The following ZWINT variants were observed in gnomAD, a reference collection of about 807,000 sequenced individuals.
ZWINT encodes the protein outer kinetochore KNL1 complex subunit ZWINT.
A neutral mutation model predicts 41.5 loss-of-function variants in ZWINT; 41 were observed. The observed-to-expected ratio is 0.99, with a 90% CI of 0.77 to 1.28. ZWINT has a LOEUF of 1.28. Ranked by LOEUF, ZWINT falls within the 50% of genes most tolerant of loss-of-function variation. The pLI is 0.00. For missense variants in ZWINT, 369 were observed against 329.7 expected (o/e 1.12, Z -0.92); for synonymous variants, 132 against 126.8 (o/e 1.04, Z -0.28).
chr10:56,361,002 C>T (rs557440624), intron 1 of ZWINT, among the ~76,000 whole-genome samples, 194 bp downstream of exon 1: 193 of 152,186 alleles, frequency 1.3e-3, no homozygotes, highest in African/African-American at 4.1e-3. Flanking sequence ...GGCGAACGGT[C>T]CCCCAAAGGC....
In ZWINT at chr10:56,358,456, C is replaced by T. The variant is rs760447122; in HGVS notation, c.796G>A (p.Val266Ile). The part of the protein sequence containing the change: ...GRDPGVSFKA[V>I]GLQPAGDVNL... ...ACATCTCCAGCAGGTTGTAGACCAA[C>T]AGCCTTGGAGAAATACAGTATAGAC... The change falls in exon 8 of 9, where the codon GTT becomes ATT. Residue 266 changes from valine (V) to isoleucine (I), a missense_variant. Coordinates refer to ENST00000373944, the MANE Select transcript of ZWINT (RefSeq NM_007057.4). 6.2e-7 allele frequency: 1 copy of T among 1,614,126 alleles called. No individual in the cohort carries two copies. The highest frequency in any genetic ancestry group is 8.5e-7 in the Non-Finnish European group (1 of 1,180,026).
intron 1 of ZWINT, among the ~76,000 whole-genome samples, chr10:56,360,939 A>G (rs558038686): frequency 5.3e-5 from 8 of 152,126 alleles, no homozygotes; most frequent in African/African-American, 1.9e-4. Context: ...AAGAAGACAG[A>G]AGTGAAACCG....
chr10:56,358,548 TCA>T lies in ZWINT; in HGVS notation c.792+6_792+7del, dbSNP rs1231407101. On this transcript the variant is annotated splice_donor_region_variant and intron_variant, in intron 7 of 8. Coordinates refer to ENST00000373944, the MANE Select transcript of ZWINT (RefSeq NM_007057.4). The stretch of plus-strand genomic sequence containing the variant: ...AGCCCATGCCCACCTGTTCCATCTC[TCA>T]TTTACCTTGAAGGACACACCAGGGT... The T allele has an allele frequency of 2.5e-6, 4 of 1,613,878 alleles. No individual in the cohort carries two copies. Among genetic ancestry groups the T allele is most frequent in the Non-Finnish European group, 3.4e-6 (4 of 1,179,978 alleles).
Position 56,358,427 on chromosome 10 carries a change from A to G in ZWINT, c.825T>C (p.Asn275=). 6.2e-7 allele frequency: 1 copy of G among 1,614,024 alleles called. No individual in the cohort carries two copies. The highest frequency in any genetic ancestry group is 8.5e-7 in the Non-Finnish European group (1 of 1,180,010). ...AVGLQPAGDV[N]LP Reference sequence around the variant, plus strand: ...GCTGTCCTCCAGGAAGTCATGGCAAATTTACATCTCCAGCAGGTTGTAGAC... The same window carrying G: ...GCTGTCCTCCAGGAAGTCATGGCAAGTTTACATCTCCAGCAGGTTGTAGAC... The change falls in exon 8 of 9, where the codon AAT becomes AAC. Residue 275 remains asparagine, a synonymous_variant. Transcript: ENST00000373944.
At position 56,358,193 on chromosome 10, in the gene ZWINT, A is replaced by C; in HGVS notation, c.*42-8T>G. On this transcript the variant is annotated splice_polypyrimidine_tract_variant and splice_region_variant and intron_variant, in intron 8 of 8. Coordinates refer to ENST00000373944, the MANE Select transcript of ZWINT (RefSeq NM_007057.4). ...GTGAGGGAAGTCAGAGGCCTGGGGA[A>C]GAAGACAGGGGTTAGCTCTGGGTGG... is the stretch of plus-strand genomic sequence containing the variant. 2 of 758,020 alleles carry C rather than the reference A, an allele frequency of 2.6e-6. No individual in the cohort carries two copies. The highest frequency in any genetic ancestry group is 4.9e-6 in the Non-Finnish European group (2 of 405,830). The allele number at this position is 758,020 out of a possible 1,614,324, so 47.0% of individuals were successfully genotyped here.
At position 56,358,921 on chromosome 10, in the gene ZWINT, C is replaced by G. The variant is rs762150385; in HGVS notation, c.507G>C (p.Glu169Asp). 3 of 1,614,146 alleles carry G rather than the reference C, an allele frequency of 1.9e-6. No homozygotes were observed. Among genetic ancestry groups the G allele is most frequent in the Admixed American group, 3.3e-5 (2 of 60,018 alleles). Residue 169 changes from glutamate (E) to aspartate (D), a missense_variant, in exon 6 of 9, where the codon GAG becomes GAC. Coordinates refer to ENST00000373944, the MANE Select transcript of ZWINT (RefSeq NM_007057.4). ...QQEKHLQHLA[E>D]VSAEVRERKT... is the part of the protein sequence containing the mutation. ...TACGCTCCCTCACCTCTGCAGAAAC[C>G]TCCGCCAGATGCTGCAGATGCTTCT...
In ZWINT at chr10:56,358,797, G is replaced by T. The variant is rs200966787; in HGVS notation, c.623+8C>A. The T allele has an allele frequency of 2.5e-6, 4 of 1,613,892 alleles. No individual in the cohort carries two copies. The African/African-American group carries it at 5.3e-5, about 22-fold the overall frequency. On this transcript the variant is annotated splice_region_variant and intron_variant, in intron 6 of 8. Transcript: ENST00000373944. The stretch of plus-strand genomic sequence containing the variant: ...TTTTGAATCTGCAGCCCATGCTCCC[G>T]AACTTACCTCTGCAGCTTGTCCCGC...
chr10:56,360,114 A>C lies in ZWINT; in HGVS notation c.160T>G (p.Cys54Gly). The C allele has an allele frequency of 6.2e-7, 1 of 1,614,128 alleles. No individual in the cohort carries two copies. The highest frequency in any genetic ancestry group is 1.1e-5 in the South Asian group (1 of 91,082). Reference sequence around the variant, plus strand: ...AAATCCGCTACCTGAAGCTGGCTGCAGAGCAGCTTGTCTTTCTTCTGAGAG... The same window carrying C: ...AAATCCGCTACCTGAAGCTGGCTGCCGAGCAGCTTGTCTTTCTTCTGAGAG... The part of the protein sequence containing the change: ...VDSQKKDKLL[C>G]SQLQVADFLQ... Residue 54 changes from cysteine (C) to glycine (G), a missense_variant, in exon 3 of 9, where the codon TGC becomes GGC. By Grantham distance (159) the Cys-to-Gly change is radical. Coordinates refer to ENST00000373944, the MANE Select transcript of ZWINT (RefSeq NM_007057.4).
Position 56,357,530 on chromosome 10 carries a change from G to T in ZWINT, c.*697C>A, listed in dbSNP as rs552695540. 2.6e-5 allele frequency: 4 copies of T among 152,808 alleles called. No homozygotes were observed. In the East Asian group the frequency reaches 7.7e-4, roughly 29 times the overall value. The allele number at this position is 152,808 out of a possible 1,614,324, so 9.5% of individuals were successfully genotyped here. On this transcript the variant is annotated 3_prime_UTR_variant, in exon 9 of 9. Coordinates refer to ENST00000373944, the MANE Select transcript of ZWINT (RefSeq NM_007057.4). ...GATAAAAGTAAGAGTTGACAAAAAA[G>T]GTACATCTTCTCCAATCCGAAAACA...
At chr10:56,360,933 A>G (rs1376614113) in intron 1 of ZWINT, among the ~76,000 whole-genome samples, 1 of 152,096 alleles carries the variant, frequency 6.6e-6, no homozygotes, top group Non-Finnish European at 1.5e-5. Flanking sequence ...TGGGACAAGA[A>G]GACAGAAGTG....
chr10:56,360,071 G>A lies in ZWINT; in HGVS notation c.203C>T (p.Ala68Val). The A allele has an allele frequency of 6.2e-7, 1 of 1,614,142 alleles. No individual in the cohort carries two copies. The highest frequency in any genetic ancestry group is 8.5e-7 in the Non-Finnish European group (1 of 1,180,040). ...QVADFLQNIL[A>V]QEDTAKGLDP... ...GAGACCCTTAGCAGTGTCCTCCTGA[G>A]CCAGGATGTTCTGCAGGAAATCCGC... The change falls in exon 3 of 9, where the codon GCT becomes GTT. Residue 68 changes from alanine (A) to valine (V), a missense_variant. Coordinates refer to ENST00000373944, the MANE Select transcript of ZWINT (RefSeq NM_007057.4).
intron 6 of ZWINT, 40 bp downstream of exon 6, chr10:56,358,765 T>A (rs761081601): frequency 6.2e-7 from 1 of 1,614,010 alleles, no homozygotes; most frequent in Non-Finnish European, 8.5e-7. Flanking sequence ...GAATCTCAGC[T>A]GGACCATTTT....
rs138015137 is a variant in ZWINT at position 56,361,204 on chromosome 10, T to C, written c.33A>G (p.Ala11=). 3.1e-6 allele frequency: 5 copies of C among 1,613,158 alleles called. No individual in the cohort carries two copies. The South Asian group carries it at 3.3e-5, about 11-fold the overall frequency. MEAAETEAEA[A]ALEVLAEVAG... ...TAGCCGCAAACACTTACTCTAGGGCTGCAGCTTCCGCCTCTGTCTCCGCTG... is the reference window on the plus strand; with the variant it reads ...TAGCCGCAAACACTTACTCTAGGGCCGCAGCTTCCGCCTCTGTCTCCGCTG... Residue 11 remains alanine, a synonymous_variant, in exon 1 of 9, where the codon GCA becomes GCG. Coordinates refer to ENST00000373944, the MANE Select transcript of ZWINT (RefSeq NM_007057.4).
At chr10:56,360,705 C>G (rs1308892782) in intron 1 of ZWINT, among the ~76,000 whole-genome samples, 1 of 152,132 alleles carries the variant, frequency 6.6e-6, no homozygotes, top group East Asian at 1.9e-4. Flanking sequence ...GTGAAGGAAG[C>G]CAGGGAGATA....
chr10:56,359,915 C>T, intron 3 of ZWINT, 62 bp from the exon 4 acceptor site: 3 of 1,606,004 alleles, frequency 1.9e-6, no homozygotes, highest in Non-Finnish European at 2.6e-6. Flanking sequence ...TGCCTCCCTG[C>T]AACACTGGGC....
Position 56,359,774 on chromosome 10 carries a change from A to G in ZWINT, c.336T>C (p.Ile112=), listed in dbSNP as rs746386971. ...TYREHVEAIK[I]GLTKALTQME... is the part of the protein sequence containing the mutation. ...TCTGAGTCAGGGCCTTGGTGAGGCC[A>G]ATTTTGATGGCCTCTACGTGCTCCC... Residue 112 remains isoleucine (I), a synonymous_variant, in exon 4 of 9, where the codon ATT becomes ATC. Transcript: ENST00000373944. 6.2e-7 allele frequency: 1 copy of G among 1,614,042 alleles called. No individual in the cohort carries two copies. Among genetic ancestry groups the G allele is most frequent in the Non-Finnish European group, 8.5e-7 (1 of 1,180,008 alleles).
rs1236089593 is a variant in ZWINT at position 56,360,345 on chromosome 10, C to G, written c.80G>C (p.Gly27Ala). The change falls in exon 2 of 9, where the codon GGC becomes GCC. Residue 27 changes from glycine to alanine, a missense_variant. By Grantham distance (60) the Gly-to-Ala change is moderately conservative. Coordinates refer to ENST00000373944, the MANE Select transcript of ZWINT (RefSeq NM_007057.4). ...TGGCAGTTCTGCCTCCTCCTGCAGG[C>G]CTACAGGTTCCAAGATGCCTGCCAC... is the stretch of plus-strand genomic sequence containing the variant. ...AEVAGILEPV[G>A]LQEEAELPAK... 1 of 1,614,206 alleles carries G rather than the reference C, an allele frequency of 6.2e-7. No individual in the cohort carries two copies. The highest frequency in any genetic ancestry group is 1.1e-5 in the South Asian group (1 of 91,078).
chr10:56,358,699 A>G lies in ZWINT; in HGVS notation c.649T>C (p.Tyr217His), dbSNP rs141239815. ...QRYQTFLQLL[Y>H]TLQGKLLFPE... Reference sequence around the variant, plus strand: ...AACAACAGCTTACCCTGCAGGGTATACAGAAGCTGGAGGAAGGTCTGATAC... The same window carrying G: ...AACAACAGCTTACCCTGCAGGGTATGCAGAAGCTGGAGGAAGGTCTGATAC... Residue 217 changes from tyrosine (Y) to histidine (H), a missense_variant, in exon 7 of 9, where the codon TAT (tyrosine) becomes CAT (histidine). Transcript: ENST00000373944. 13 of 1,613,950 alleles carry G rather than the reference A, an allele frequency of 8.1e-6. No homozygotes were observed. The African/African-American group carries it at 1.3e-4, about 17-fold the overall frequency.
chr10:56,359,290 C>A (rs920433430), intron 5 of ZWINT, among the ~76,000 whole-genome samples, 186 bp downstream of exon 5: 1 of 152,106 alleles, frequency 6.6e-6, no homozygotes, highest in African/African-American at 2.4e-5. Context: ...AATAAAGAAA[C>A]AGAAAGTTAG....
Sources: gnomAD v4.1 joint callset for allele counts (sites outside exome capture counted in the v4.1 genomes callset) on GRCh38, gnomAD v4.1.1 for gene constraint, MANE v1.5 for transcripts, NCBI Gene and HGNC (gene_info 2026-07-23, HGNC 2026-07-21) for gene names.